The following KHDRBS2 variants were observed in gnomAD, a reference collection of about 807,000 sequenced individuals.
KHDRBS2 encodes the protein KH RNA binding domain containing, signal transduction associated 2.
KHDRBS2 carries 26 observed loss-of-function variants against 44.3 expected under a neutral mutation model. That is an observed-to-expected ratio of 0.59 (90% confidence interval 0.43 to 0.81). KHDRBS2 has a LOEUF of 0.81. KHDRBS2 is among the 40% of genes least tolerant of loss of function. KHDRBS2 has a pLI of 0.00. For synonymous variants in KHDRBS2, 194 were observed against 151.1 expected (o/e 1.28, Z -2.08); for missense variants, 476 against 433.1 (o/e 1.10, Z -0.88).
At chr6:62,005,177 C>T (rs1199178466) in intron 3 of KHDRBS2, among the ~76,000 whole-genome samples, 1 of 151,982 alleles carries the variant, frequency 6.6e-6, no homozygotes, top group East Asian at 1.9e-4. Flanking sequence ...TCTGCCACAA[C>T]AGTAAGTGAT....
At chr6:62,049,984 T>G (rs1259729423) in intron 2 of KHDRBS2, among the ~76,000 whole-genome samples, 2 of 152,076 alleles carry the variant, frequency 1.3e-5, no homozygotes. Context: ...TAAAGACACA[T>G]GCACACTTAT....
chr6:62,276,378 G>C (rs931021996), intron 1 of KHDRBS2, among the ~76,000 whole-genome samples: 2 of 152,154 alleles, frequency 1.3e-5, no homozygotes, highest in African/African-American at 4.8e-5. Flanking sequence ...ACCCAAGAGA[G>C]GGCCTACAGT....
intron 7 of KHDRBS2, among the ~76,000 whole-genome samples, chr6:61,710,338 A>G (rs1440322119): frequency 6.6e-6 from 1 of 151,780 alleles, no homozygotes; most frequent in Non-Finnish European, 1.5e-5. Flanking sequence ...AAGAGAAAGG[A>G]AATCAGAATT....
chr6:61,788,320 T>C (rs1784127975), intron 6 of KHDRBS2, among the ~76,000 whole-genome samples: 1 of 151,504 alleles, frequency 6.6e-6, no homozygotes, highest in Non-Finnish European at 1.5e-5. Flanking sequence ...AAATAAGGTT[T>C]CAGTGGTGAT....
At chr6:61,704,001 A>G (rs1271486513) in intron 7 of KHDRBS2, among the ~76,000 whole-genome samples, 1 of 151,886 alleles carries the variant, frequency 6.6e-6, no homozygotes, top group Non-Finnish European at 1.5e-5. Flanking sequence ...ACCTATACCT[A>G]TGGAATGCTT....
the KHDRBS2 span, among the ~76,000 whole-genome samples, chr6:61,662,329 T>C: frequency 2.4e-4 from 36 of 152,080 alleles, no homozygotes; most frequent in African/African-American, 6.3e-4. Context: ...ATTCAGGACA[T>C]AGGCATGGGC....
chr6:61,696,036 G>A (rs986961945), intron 8 of KHDRBS2, among the ~76,000 whole-genome samples: 3 of 151,344 alleles, frequency 2.0e-5, no homozygotes, highest in Admixed American at 6.6e-5. Context: ...GTGGCTATTC[G>A]CAGGCATGAT....
chr6:62,200,169 G>A (rs1826630123), intron 1 of KHDRBS2, among the ~76,000 whole-genome samples: 1 of 152,094 alleles, frequency 6.6e-6, no homozygotes, highest in Non-Finnish European at 1.5e-5. Context: ...CAGGACATAG[G>A]CATGGGCAAG....
intron 4 of KHDRBS2, among the ~76,000 whole-genome samples, chr6:61,945,366 T>A (rs528978350): frequency 6.6e-6 from 1 of 151,494 alleles, no homozygotes; most frequent in South Asian, 2.1e-4. Context: ...GCCCTAATAT[T>A]TATTGTACTA....
chr6:61,629,170 T>C, the KHDRBS2 span, among the ~76,000 whole-genome samples: 2 of 152,196 alleles, frequency 1.3e-5, no homozygotes, highest in African/African-American at 4.8e-5. Context: ...ATGTGTGATT[T>C]TTCGCTTACT....
chr6:61,862,411 A>T (rs960881914), intron 6 of KHDRBS2, among the ~76,000 whole-genome samples: 1 of 152,146 alleles, frequency 6.6e-6, no homozygotes, highest in Non-Finnish European at 1.5e-5. Flanking sequence ...TTCAAGAGGA[A>T]TGCTGCCAGC....
the KHDRBS2 span, among the ~76,000 whole-genome samples, chr6:61,594,305 T>C: frequency 1.3e-5 from 2 of 152,108 alleles, no homozygotes; most frequent in Non-Finnish European, 2.9e-5. Context: ...TATTTAATTC[T>C]TACTGTGCTT....
At chr6:61,963,978 T>C (rs1377618055) in intron 4 of KHDRBS2, among the ~76,000 whole-genome samples, 1 of 152,090 alleles carries the variant, frequency 6.6e-6, no homozygotes, top group African/African-American at 2.4e-5. Flanking sequence ...ATTCTCATCT[T>C]GTTCCCAAAG....
chr6:61,658,158 G>A, the KHDRBS2 span, among the ~76,000 whole-genome samples: 5 of 151,836 alleles, frequency 3.3e-5, no homozygotes, highest in Non-Finnish European at 7.4e-5. Flanking sequence ...TTTATTAGCT[G>A]TGATTAGATT....
intron 4 of KHDRBS2, among the ~76,000 whole-genome samples, chr6:61,965,469 A>G (rs1361915372): frequency 1.3e-5 from 2 of 152,002 alleles, no homozygotes; most frequent in African/African-American, 2.4e-5. Flanking sequence ...TATTCCCTAC[A>G]GTTTCTTCTT....
intron 7 of KHDRBS2, among the ~76,000 whole-genome samples, chr6:61,718,009 G>A (rs1265278069): frequency 2.0e-5 from 3 of 151,580 alleles, no homozygotes; most frequent in Non-Finnish European, 4.4e-5. Flanking sequence ...TATTATACTT[G>A]GAAAAATCAC....
intron 1 of KHDRBS2, among the ~76,000 whole-genome samples, chr6:62,270,262 A>G (rs1427044462): frequency 6.6e-6 from 1 of 150,914 alleles, no homozygotes; most frequent in African/African-American, 2.4e-5. Flanking sequence ...GTTGTTTAAA[A>G]GGGTGTGGAA....
intron 2 of KHDRBS2, among the ~76,000 whole-genome samples, chr6:62,120,888 C>A (rs1807470573): frequency 6.6e-6 from 1 of 152,120 alleles, no homozygotes; most frequent in African/African-American, 2.4e-5. Context: ...CTATCCTTCC[C>A]CAACAAGACC....
intron 6 of KHDRBS2, among the ~76,000 whole-genome samples, chr6:61,752,437 C>T (rs189976670): frequency 2.6e-5 from 4 of 152,044 alleles, no homozygotes; most frequent in African/African-American, 9.7e-5. Context: ...TCCATTAAAT[C>T]ATGTTGCTAA....
Sources: allele counts gnomAD v4.1 joint callset (sites outside exome capture counted in the v4.1 genomes callset), GRCh38; gene constraint gnomAD v4.1.1; transcripts MANE v1.5; gene names NCBI Gene and HGNC (gene_info 2026-07-23, HGNC 2026-07-21).